The following PTPRM variants were observed in gnomAD, a reference collection of about 807,000 sequenced individuals.
The protein encoded by PTPRM is receptor-type tyrosine-protein phosphatase mu.
PTPRM carries 47 observed loss-of-function variants against 186.7 expected under a neutral mutation model. That is an observed-to-expected ratio of 0.25 (90% CI 0.20 to 0.32). The LOEUF is 0.32. Among genes scored for constraint, PTPRM ranks in the 10% least tolerant of loss-of-function variants. PTPRM has a pLI of 1.00. For synonymous variants in PTPRM, 668 were observed against 674.9 expected (o/e 0.99, Z 0.16); for missense variants, 1,494 against 1,865.0 (o/e 0.80, Z 3.66).
In PTPRM at chr18:8,126,012, TATATATA is replaced by T. The variant is rs1255924799; in HGVS notation, c.2167+11186_2167+11192del. ...ATATATATATATATATATATATATATATATATATATATATATTTTAAATCAGTAGACC... is the reference window on the plus strand; with the variant it reads ...ATATATATATATATATATATATATATTATATATATTTTAAATCAGTAGACC... On this transcript the variant is annotated intron_variant, in intron 13 of 32. Coordinates refer to ENST00000580170, the MANE Select transcript of PTPRM (RefSeq NM_001105244.2). 3.8e-3 allele frequency among the ~76,000 whole-genome samples: 96 copies of T among 25,104 alleles called. 5 individuals carry two copies. Among genetic ancestry groups the T allele is most frequent in the Middle Eastern group, 0.03 (2 of 66 alleles). The allele number at this position is 25,104 out of a possible 152,430, so 16.5% of individuals were successfully genotyped here. A position where few individuals can be genotyped will look rare whatever the true frequency, so the allele number is the denominator to read the frequency against.
At chr18:7,728,508 A>G (rs1025643540) in intron 1 of PTPRM, among the ~76,000 whole-genome samples, 1 of 152,262 alleles carries the variant, frequency 6.6e-6, no homozygotes, top group Non-Finnish European at 1.5e-5. Context: ...CTCAGGGCAC[A>G]TGTGGGCATG....
chr18:8,402,125 A>G (rs1167359819), intron 32 of PTPRM, among the ~76,000 whole-genome samples: 1 of 152,258 alleles, frequency 6.6e-6, no homozygotes, highest in African/African-American at 2.4e-5. Flanking sequence ...GAGAGAGGAA[A>G]CTGCAGCAGA....
At chr18:8,357,462 G>A (rs2095569496) in intron 23 of PTPRM, among the ~76,000 whole-genome samples, 1 of 152,292 alleles carries the variant, frequency 6.6e-6, no homozygotes, top group Admixed American at 6.5e-5. Flanking sequence ...AGTCGCACCC[G>A]GTGAGCACAT....
chr18:8,214,923 A>G (rs1476102045), intron 14 of PTPRM, among the ~76,000 whole-genome samples: 2 of 152,182 alleles, frequency 1.3e-5, no homozygotes, highest in African/African-American at 4.8e-5. Context: ...TGGCCTCCCA[A>G]ATTACAGGCG....
chr18:7,803,388 C>A (rs907970952), intron 2 of PTPRM, among the ~76,000 whole-genome samples: 1 of 152,096 alleles, frequency 6.6e-6, no homozygotes, highest in Non-Finnish European at 1.5e-5. Flanking sequence ...AAATCCCTAA[C>A]CCTAGCCTCT....
intron 3 of PTPRM, 97 bp from the exon 4 acceptor site, chr18:7,906,408 G>C (rs975313498): frequency 1.1e-5 from 10 of 911,266 alleles, no homozygotes; most frequent in African/African-American, 1.7e-5. Flanking sequence ...ATGAATTGGT[G>C]AAAGAATAAA....
At chr18:7,660,112 A>C (rs2038944301) in intron 1 of PTPRM, among the ~76,000 whole-genome samples, 1 of 152,130 alleles carries the variant, frequency 6.6e-6, no homozygotes, top group African/African-American at 2.4e-5. Context: ...AGGCTGAGAT[A>C]GATCACTTGA....
At position 7,730,985 on chromosome 18, in the gene PTPRM, C is replaced by A. The variant is rs536979636; in HGVS notation, c.74-43164C>A. Among the ~76,000 whole-genome samples, 7 of 152,298 alleles carry A rather than the reference C, an allele frequency of 4.6e-5. No homozygotes were observed. In the South Asian group the frequency reaches 1.5e-3, roughly 32 times the overall value. On this transcript the variant is annotated intron_variant, in intron 1 of 32. Transcript: ENST00000580170. ...ACAGGGAGTTCAAACACAGACTCTG[C>A]CTGGAAATTCAGCGTGAACATCCCT... is the stretch of plus-strand genomic sequence containing the variant.
intron 23 of PTPRM, among the ~76,000 whole-genome samples, chr18:8,364,281 CAT>C (rs1264071656): frequency 1.4e-4 from 22 of 152,252 alleles, no homozygotes; most frequent in Admixed American, 1.2e-3. Flanking sequence ...AATAGGATCT[CAT>C]ATTATGCATG....
chr18:8,063,193 A>G (rs1281834655), intron 7 of PTPRM, among the ~76,000 whole-genome samples: 1 of 151,318 alleles, frequency 6.6e-6, no homozygotes, highest in Non-Finnish European at 1.5e-5. Flanking sequence ...TGAAAAGCGC[A>G]GTATTCGGGT....
rs1480438240 is a variant in PTPRM, at chr18:8,314,763, G to A, written c.2843-18G>A. On this transcript the variant is annotated intron_variant, in intron 20 of 32. Transcript: ENST00000580170. ...TTGCTTTTGTTAATCGTTATTTTCT[G>A]TCCCTTTTCCTTTGCAGACGATCAT... is the stretch of plus-strand genomic sequence containing the variant. 3.1e-6 allele frequency: 5 copies of A among 1,603,246 alleles called. No homozygotes were observed. The East Asian group carries it at 9.0e-5, about 29-fold the overall frequency.
chr18:7,898,189 A>G (rs373393985), intron 3 of PTPRM, among the ~76,000 whole-genome samples: 2 of 152,212 alleles, frequency 1.3e-5, no homozygotes, highest in South Asian at 4.1e-4. Context: ...CACAAACAAG[A>G]TAAAGTTTTT....
chr18:8,093,454 C>T (rs2090859424), intron 11 of PTPRM, among the ~76,000 whole-genome samples: 1 of 152,110 alleles, frequency 6.6e-6, no homozygotes, highest in Non-Finnish European at 1.5e-5. Flanking sequence ...TTATTCAAAT[C>T]TGATATCATG....
At chr18:7,838,211 A>G (rs1376806404) in intron 2 of PTPRM, among the ~76,000 whole-genome samples, 1 of 152,174 alleles carries the variant, frequency 6.6e-6, no homozygotes, top group Non-Finnish European at 1.5e-5. Flanking sequence ...TGGCAGCAGG[A>G]GAGAGAAGTG....
At chr18:8,267,511 A>G (rs1027694943) in intron 19 of PTPRM, among the ~76,000 whole-genome samples, 4 of 152,164 alleles carry the variant, frequency 2.6e-5, no homozygotes, top group Admixed American at 6.6e-5. Context: ...AGGCATTACA[A>G]TCTTAACACA....
chr18:7,932,495 T>C (rs2051549630), intron 5 of PTPRM, among the ~76,000 whole-genome samples: 1 of 152,168 alleles, frequency 6.6e-6, no homozygotes, highest in African/African-American at 2.4e-5. Flanking sequence ...GAAAGTCAGT[T>C]TTATATGTCT....
At chr18:8,131,638 G>A (rs2092510867) in intron 13 of PTPRM, among the ~76,000 whole-genome samples, 1 of 152,182 alleles carries the variant, frequency 6.6e-6, no homozygotes. Context: ...TCTCAAGAGA[G>A]CATGAGGGGA....
chr18:8,295,678 G>A (rs946160377), intron 19 of PTPRM, among the ~76,000 whole-genome samples: 1 of 152,082 alleles, frequency 6.6e-6, no homozygotes, highest in Non-Finnish European at 1.5e-5. Context: ...AAGGTAAAAT[G>A]TAGTGTGAAC....
At chr18:7,867,409 T>C (rs1478468121) in intron 2 of PTPRM, among the ~76,000 whole-genome samples, 1 of 152,226 alleles carries the variant, frequency 6.6e-6, no homozygotes, top group Admixed American at 6.5e-5. Flanking sequence ...ACAAAATCTC[T>C]CAGCATTTGC....
Sources: allele counts gnomAD v4.1 joint callset (sites outside exome capture counted in the v4.1 genomes callset), GRCh38; gene constraint gnomAD v4.1.1; transcripts MANE v1.5; gene names NCBI Gene and HGNC (gene_info 2026-07-23, HGNC 2026-07-21).